The following CCDC85A variants were observed in gnomAD, a reference collection of about 807,000 sequenced individuals.
CCDC85A encodes coiled-coil domain-containing protein 85A.
CCDC85A carries 38 observed loss-of-function variants against 50.2 expected under a neutral mutation model. That is an observed-to-expected ratio of 0.76 (90% confidence interval 0.58 to 0.99). The LOEUF (loss-of-function observed/expected upper bound fraction) is 0.99, where lower values mean the gene tolerates loss of function less well. Among genes scored for constraint, CCDC85A ranks in the 50% least tolerant of loss-of-function variants. CCDC85A has a pLI of 0.00. For missense variants in CCDC85A, 820 were observed against 742.0 expected (o/e 1.11, Z -1.22); for synonymous variants, 366 against 301.4 (o/e 1.21, Z -2.22).
intron 2 of CCDC85A, among the ~76,000 whole-genome samples, chr2:56,213,810 A>C (rs1476103143): frequency 6.6e-6 from 1 of 151,982 alleles, no homozygotes; most frequent in African/African-American, 2.4e-5. Flanking sequence ...AGAAGGAGCA[A>C]AGTCTAATAA....
At chr2:56,234,443 C>T (rs1668913448) in intron 2 of CCDC85A, among the ~76,000 whole-genome samples, 1 of 152,144 alleles carries the variant, frequency 6.6e-6, no homozygotes, top group African/African-American at 2.4e-5. Context: ...CCTAGCTTTT[C>T]ATTTCTCAGC....
intron 2 of CCDC85A, among the ~76,000 whole-genome samples, chr2:56,258,313 T>G (rs891137216): frequency 6.6e-6 from 1 of 152,242 alleles, no homozygotes; most frequent in Non-Finnish European, 1.5e-5. Context: ...AAATGTCTGT[T>G]GATTTATTAA....
At chr2:56,312,319 G>A (rs974220337) in intron 2 of CCDC85A, among the ~76,000 whole-genome samples, 11 of 151,952 alleles carry the variant, frequency 7.2e-5, no homozygotes. Flanking sequence ...GGACTGTGTT[G>A]GAACGCCTGG....
At chr2:56,284,845 G>A (rs1447378122) in intron 2 of CCDC85A, among the ~76,000 whole-genome samples, 1 of 152,060 alleles carries the variant, frequency 6.6e-6, no homozygotes, top group East Asian at 1.9e-4. Flanking sequence ...TAATCATTAT[G>A]AATTGTCTTT....
In CCDC85A at chr2:56,218,867, C is replaced by A. The variant is rs72801189; in HGVS notation, c.1240+25427C>A. ...CTAAGGTAGTATTTAACCTCTTGGGCAATGAAAGACTCACATCTTAAAAGG... is the reference window on the plus strand; with the variant it reads ...CTAAGGTAGTATTTAACCTCTTGGGAAATGAAAGACTCACATCTTAAAAGG... On this transcript the variant is annotated intron_variant, in intron 2 of 5. Transcript: ENST00000407595. 8.2e-3 allele frequency among the ~76,000 whole-genome samples: 1,240 copies of A among 151,714 alleles called. 12 individuals are homozygous for A. Among genetic ancestry groups the A allele is most frequent in the South Asian group, 0.014 (68 of 4,808 alleles).
At chr2:56,370,779 G>A (rs1676032333) in intron 3 of CCDC85A, among the ~76,000 whole-genome samples, 1 of 151,982 alleles carries the variant, frequency 6.6e-6, no homozygotes, top group Admixed American at 6.6e-5. Flanking sequence ...AGAGGAATTG[G>A]GATTTAGCCT....
At chr2:56,212,007 G>A (rs1573031708) in intron 2 of CCDC85A, among the ~76,000 whole-genome samples, 2 of 151,978 alleles carry the variant, frequency 1.3e-5, no homozygotes, top group East Asian at 1.9e-4. Flanking sequence ...TACACAGGAG[G>A]GCCTGTAATA....
chr2:56,294,388 A>G (rs1222059115), intron 2 of CCDC85A, among the ~76,000 whole-genome samples: 2 of 152,230 alleles, frequency 1.3e-5, no homozygotes, highest in African/African-American at 4.8e-5. Flanking sequence ...ACCATGGCAC[A>G]CATTTACCTA....
At chr2:56,211,385 G>T (rs914537957) in intron 2 of CCDC85A, among the ~76,000 whole-genome samples, 1 of 151,892 alleles carries the variant, frequency 6.6e-6, no homozygotes, top group Non-Finnish European at 1.5e-5. Flanking sequence ...CTTATTCTTG[G>T]TTATGTGCAT....
chr2:56,363,516 C>T (rs1271047734), intron 3 of CCDC85A, among the ~76,000 whole-genome samples: 3 of 152,152 alleles, frequency 2.0e-5, no homozygotes, highest in African/African-American at 7.2e-5. Flanking sequence ...ACTCTTCTTG[C>T]TTCTCTATTG....
In CCDC85A at chr2:56,307,881, C is replaced by A. The variant is rs1038675363; in HGVS notation, c.1241-34998C>A. 5.9e-5 allele frequency among the ~76,000 whole-genome samples: 9 copies of A among 152,236 alleles called. 2 individuals are homozygous for A. Among genetic ancestry groups the A allele is most frequent in the Admixed American group, 6.5e-5 (1 of 15,278 alleles). On this transcript the variant is annotated intron_variant, in intron 2 of 5. Coordinates refer to ENST00000407595, the MANE Select transcript of CCDC85A (RefSeq NM_001080433.2). Reference sequence around the variant, plus strand: ...TGAGTGCTTCGAGCAGTGTCTTTTGCCATTTAAAGTGAGCTAGGCTATGCA... The same window carrying A: ...TGAGTGCTTCGAGCAGTGTCTTTTGACATTTAAAGTGAGCTAGGCTATGCA...
chr2:56,303,883 G>A (rs1329226833), intron 2 of CCDC85A, among the ~76,000 whole-genome samples: 3 of 152,138 alleles, frequency 2.0e-5, no homozygotes, highest in Non-Finnish European at 2.9e-5. Flanking sequence ...ATGGAGATTG[G>A]TTAGGAGCTA....
chr2:56,201,771 C>G (rs1269701990), intron 2 of CCDC85A, among the ~76,000 whole-genome samples: 1 of 151,852 alleles, frequency 6.6e-6, no homozygotes, highest in African/African-American at 2.4e-5. Flanking sequence ...TATATTAATG[C>G]TAAAGAATAG....
chr2:56,218,505 C>T (rs1459620145), intron 2 of CCDC85A, among the ~76,000 whole-genome samples: 1 of 151,760 alleles, frequency 6.6e-6, no homozygotes, highest in African/African-American at 2.4e-5. Context: ...GTTTTATAAA[C>T]CAAAGTAAAA....
At chr2:56,197,342 T>A (rs1477058899) in intron 2 of CCDC85A, among the ~76,000 whole-genome samples, 1 of 152,168 alleles carries the variant, frequency 6.6e-6, no homozygotes, top group African/African-American at 2.4e-5. Context: ...TAATAAAAAA[T>A]GTCTCTAGAC....
At position 56,204,635 on chromosome 2, in the gene CCDC85A, A is replaced by G. The variant is rs141576705; in HGVS notation, c.1240+11195A>G. On this transcript the variant is annotated intron_variant, in intron 2 of 5. Coordinates refer to ENST00000407595, the MANE Select transcript of CCDC85A (RefSeq NM_001080433.2). Reference sequence around the variant, plus strand: ...CTGGCAGCTTTTCTCCCTACCTGCCACTCACCTGACTTCCTCCAGGAGTTG... The same window carrying G: ...CTGGCAGCTTTTCTCCCTACCTGCCGCTCACCTGACTTCCTCCAGGAGTTG... 1.6e-3 allele frequency among the ~76,000 whole-genome samples: 240 copies of G among 152,274 alleles called. 1 individual carries two copies. Among genetic ancestry groups the G allele is most frequent in the African/African-American group, 5.4e-3 (226 of 41,570 alleles).
intron 2 of CCDC85A, among the ~76,000 whole-genome samples, chr2:56,257,162 C>G (rs139949797): frequency 3.9e-4 from 59 of 152,208 alleles, no homozygotes; most frequent in African/African-American, 1.3e-3. Flanking sequence ...TGTGAACATT[C>G]TGAAAGCAAA....
intron 2 of CCDC85A, among the ~76,000 whole-genome samples, chr2:56,251,429 C>A (rs529051468): frequency 7.2e-5 from 11 of 152,312 alleles, no homozygotes; most frequent in Middle Eastern, 3.4e-3. Context: ...GTGGCCTTGC[C>A]AGTTTGGTTG....
chr2:56,298,313 TA>T (rs1413954314), intron 2 of CCDC85A, among the ~76,000 whole-genome samples: 14 of 152,152 alleles, frequency 9.2e-5, no homozygotes, highest in African/African-American at 3.4e-4. Context: ...GAATAAATGC[TA>T]GACAGACCCC....
Sources: allele counts gnomAD v4.1 joint callset (sites outside exome capture counted in the v4.1 genomes callset), GRCh38; gene constraint gnomAD v4.1.1; transcripts MANE v1.5; gene names NCBI Gene and HGNC (gene_info 2026-07-23, HGNC 2026-07-21).